Variants in SOS1 observed in about 807,000 individuals in gnomAD.
SOS1 encodes the protein SOS Ras/Rac guanine nucleotide exchange factor 1.
Under a neutral mutation model 157.6 loss-of-function variants are expected in SOS1, and 25 were observed. The observed-to-expected ratio is 0.16, with a 90% CI of 0.12 to 0.22. SOS1 has a LOEUF of 0.22. Ranked by LOEUF, SOS1 falls within the 10% of genes least tolerant of loss-of-function variation. SOS1 has a pLI of 1.00. For missense variants in SOS1, 1,237 were observed against 1,599.1 expected, an observed-to-expected ratio of 0.77 and a Z score of 3.86; for synonymous variants, 528 against 534.0, an observed-to-expected ratio of 0.99 and a Z score of 0.16.
intron 1 of SOS1, among the ~76,000 whole-genome samples, chr2:39,097,131 G>A (rs1490878641): frequency 6.6e-6 from 1 of 152,100 alleles, no homozygotes; most frequent in Non-Finnish European, 1.5e-5. Context: ...GGATCTGACA[G>A]GAGACAAGCC....
intron 2 of SOS1, among the ~76,000 whole-genome samples, chr2:39,064,437 AT>A (rs757461604): frequency 6.6e-6 from 1 of 152,090 alleles, no homozygotes; most frequent in Non-Finnish European, 1.5e-5. Flanking sequence ...TCAGGAAATA[AT>A]TTTCCATTTT....
intron 2 of SOS1, among the ~76,000 whole-genome samples, chr2:39,061,641 G>T (rs1671409171): frequency 6.6e-6 from 1 of 152,200 alleles, no homozygotes; most frequent in Admixed American, 6.5e-5. Flanking sequence ...TTCTGCCTTG[G>T]CCTCCCAAAG....
chr2:38,994,219 G>A (rs1248240281), intron 20 of SOS1, among the ~76,000 whole-genome samples: 3 of 152,094 alleles, frequency 2.0e-5, no homozygotes, highest in African/African-American at 7.2e-5. Flanking sequence ...GATATACTGG[G>A]TTAAATAAAA....
At chr2:39,043,997 A>G (rs889360633) in intron 6 of SOS1, among the ~76,000 whole-genome samples, 2 of 152,188 alleles carry the variant, frequency 1.3e-5, no homozygotes, top group African/African-American at 4.8e-5. Flanking sequence ...ACTCTTTTAC[A>G]TATTTTAAAG....
rs568149555 is a variant in SOS1 at position 39,105,645 on chromosome 2, C to T, written c.87+14691G>A. 2.0e-5 allele frequency among the ~76,000 whole-genome samples: 3 copies of T among 152,244 alleles called. No individual in the cohort carries two copies. The South Asian group carries it at 6.2e-4, about 32-fold the overall frequency. On this transcript the variant is annotated intron_variant, in intron 1 of 22. Transcript: ENST00000402219. ...AGGCCTGCTGGCTCACAACTGTAATCCTAGCACTTTGGGAGGCCGAGGTGG... is the reference window on the plus strand; with the variant it reads ...AGGCCTGCTGGCTCACAACTGTAATTCTAGCACTTTGGGAGGCCGAGGTGG...
chr2:39,026,235 G>A (rs1015760786), intron 8 of SOS1, among the ~76,000 whole-genome samples: 3 of 151,734 alleles, frequency 2.0e-5, no homozygotes, highest in Non-Finnish European at 4.4e-5. Flanking sequence ...CACGCCTGTA[G>A]TCCCAGCTAC....
chr2:39,000,722 G>A (rs1283495329), intron 17 of SOS1, among the ~76,000 whole-genome samples: 1 of 152,162 alleles, frequency 6.6e-6, no homozygotes, highest in Non-Finnish European at 1.5e-5. Context: ...TTATTTCTCT[G>A]CTCTTTCAAG....
rs184252729 is a variant in SOS1, at chr2:39,119,651, G to A, written c.87+685C>T. Among the ~76,000 whole-genome samples, 296 of 152,284 alleles carry A rather than the reference G, an allele frequency of 1.9e-3. 1 individual carries two copies. Among genetic ancestry groups the A allele is most frequent in the Non-Finnish European group, 3.8e-4 (26 of 68,022 alleles). On this transcript the variant is annotated intron_variant, in intron 1 of 22. Coordinates refer to ENST00000402219, the MANE Select transcript of SOS1 (RefSeq NM_005633.4). ...ACTAAAACATTTAAAAGCACAGATCGGGGGTATGTAACTTCAGGTAACAAT... is the reference window on the plus strand; with the variant it reads ...ACTAAAACATTTAAAAGCACAGATCAGGGGTATGTAACTTCAGGTAACAAT...
At chr2:39,048,529 T>C (rs1279400121) in intron 6 of SOS1, among the ~76,000 whole-genome samples, 2 of 151,918 alleles carry the variant, frequency 1.3e-5, no homozygotes, top group African/African-American at 4.8e-5. Context: ...GTCTCCTGAG[T>C]AGCTGGGATT....
At chr2:38,994,423 C>G (rs559960187) in intron 20 of SOS1, among the ~76,000 whole-genome samples, 2 of 152,272 alleles carry the variant, frequency 1.3e-5, no homozygotes, top group Admixed American at 6.5e-5. Flanking sequence ...TATATACCAT[C>G]AGGGGACCAC....
intron 1 of SOS1, among the ~76,000 whole-genome samples, chr2:39,069,270 G>C (rs907991788): frequency 8.3e-5 from 12 of 145,232 alleles, no homozygotes; most frequent in Non-Finnish European, 1.8e-4. Context: ...ACCTACTCCA[G>C]AGGCTGAGGT....
intron 20 of SOS1, chr2:38,992,498 C>CTGTT (rs1006319610): frequency 2.6e-4 from 40 of 152,298 alleles, no homozygotes; most frequent in African/African-American, 9.1e-4. Context: ...GCTATTATAA[C>CTGTT]TGTTTATAAC....
intron 17 of SOS1, among the ~76,000 whole-genome samples, chr2:39,003,477 C>T (rs180687373): frequency 2.6e-5 from 4 of 151,942 alleles, no homozygotes; most frequent in Admixed American, 6.5e-5. Context: ...TTATGTAAGG[C>T]GTAACATAGA....
Position 39,066,514 on chromosome 2 carries a change from G to A in SOS1, c.213+1114C>T, listed in dbSNP as rs537052633. ...TTCTCTCCAACTTTCGACTCCTTCC[G>A]AACTCAGTTTAGATGTATCTTTTTC... is the stretch of plus-strand genomic sequence containing the variant. On this transcript the variant is annotated intron_variant, in intron 2 of 22. Transcript: ENST00000402219. Among the ~76,000 whole-genome samples, 16 of 152,200 alleles carry A rather than the reference G, an allele frequency of 1.1e-4. No individual in the cohort carries two copies. In the South Asian group the frequency reaches 2.3e-3, roughly 22 times the overall value.
chr2:39,080,458 T>A (rs988162894), intron 1 of SOS1, among the ~76,000 whole-genome samples: 12 of 152,154 alleles, frequency 7.9e-5, no homozygotes, highest in African/African-American at 2.7e-4. Flanking sequence ...AGCCTGGGGG[T>A]TGGGGACCCC....
intron 17 of SOS1, among the ~76,000 whole-genome samples, chr2:39,002,701 G>A (rs1669144511): frequency 6.6e-6 from 1 of 152,118 alleles, no homozygotes. Context: ...ATATCTTTAA[G>A]CAAAAACATA....
chr2:39,040,719 T>G (rs975927741), intron 6 of SOS1, among the ~76,000 whole-genome samples: 1 of 152,270 alleles, frequency 6.6e-6, no homozygotes, highest in East Asian at 1.9e-4. Flanking sequence ...ATTTACCATA[T>G]ACATTTAATT....
At chr2:39,034,940 C>A in intron 8 of SOS1, 1 of 535,466 alleles carries the variant, frequency 1.9e-6, no homozygotes, top group South Asian at 1.6e-5. Context: ...AAATATCTGA[C>A]AATTGCTTTA....
At chr2:39,047,425 G>C (rs1670829256) in intron 6 of SOS1, among the ~76,000 whole-genome samples, 1 of 152,094 alleles carries the variant, frequency 6.6e-6, no homozygotes. Flanking sequence ...CTTAGCTCTA[G>C]TAGATACACC....
Sources: allele counts gnomAD v4.1 joint callset (sites outside exome capture counted in the v4.1 genomes callset), GRCh38; gene constraint gnomAD v4.1.1; transcripts MANE v1.5; gene names NCBI Gene and HGNC (gene_info 2026-07-23, HGNC 2026-07-21).